CHD2: variants seen among roughly 807,000 people sequenced by gnomAD.
CHD2 encodes the protein ATP-dependent chromatin remodeler CHD2.
In CHD2, 28 loss-of-function variants were observed where a neutral mutation model predicts 243.9. The observed-to-expected ratio is 0.11, with a 90% confidence interval of 0.09 to 0.16. CHD2 has a LOEUF of 0.16. Among genes scored for constraint, CHD2 ranks in the 10% least tolerant of loss-of-function variants. CHD2 has a pLI of 1.00. For synonymous variants in CHD2, 775 were observed against 779.0 expected (o/e 0.99, Z 0.09); for missense variants, 1,386 against 2,209.8 (o/e 0.63, Z 7.47).
intron 27 of CHD2, among the ~76,000 whole-genome samples, chr15:92,992,221 T>C (rs878998099): frequency 6.6e-6 from 1 of 152,196 alleles, no homozygotes; most frequent in Non-Finnish European, 1.5e-5. Flanking sequence ...GAGGTAGTGA[T>C]GTGTAGCATT....
intron 16 of CHD2, among the ~76,000 whole-genome samples, chr15:92,958,856 A>G (rs2053648859): frequency 6.6e-6 from 1 of 152,222 alleles, no homozygotes; most frequent in African/African-American, 2.4e-5. Context: ...CAATATCCTC[A>G]TGATAAGCGT....
chr15:92,902,005 C>T, intron 2 of CHD2: 1 of 387,972 alleles, frequency 2.6e-6, no homozygotes, highest in Non-Finnish European at 4.5e-6. Context: ...ATATATACTT[C>T]TATTTTGTGT....
At chr15:92,960,928 G>C (rs1303708615) in intron 16 of CHD2, among the ~76,000 whole-genome samples, 1 of 151,888 alleles carries the variant, frequency 6.6e-6, no homozygotes, top group African/African-American at 2.4e-5. Context: ...ATGTCAGCCA[G>C]GTTGGTCTCG....
At chr15:92,995,958 G>A (rs972756652) in intron 28 of CHD2, among the ~76,000 whole-genome samples, 1 of 152,090 alleles carries the variant, frequency 6.6e-6, no homozygotes, top group Non-Finnish European at 1.5e-5. Context: ...TTCTTTTAAC[G>A]AACAAGGTTG....
intron 33 of CHD2, among the ~76,000 whole-genome samples, chr15:93,002,709 A>T (rs1156512568): frequency 1.3e-5 from 2 of 152,222 alleles, no homozygotes; most frequent in East Asian, 3.8e-4. Flanking sequence ...AAATATTAGC[A>T]AGAGTTATTG....
intron 16 of CHD2, among the ~76,000 whole-genome samples, chr15:92,960,451 C>T (rs1388482695): frequency 6.6e-6 from 1 of 151,982 alleles, no homozygotes; most frequent in African/African-American, 2.4e-5. Context: ...GTTTTCTTTT[C>T]TTCCTAGTTT....
At position 92,996,937 on chromosome 15, in the gene CHD2, GT is replaced by G; in HGVS notation, c.3596-19del. On this transcript the variant is annotated intron_variant, in intron 28 of 38. Coordinates refer to ENST00000394196, the MANE Select transcript of CHD2 (RefSeq NM_001271.4). The stretch of plus-strand genomic sequence containing the variant: ...TTCTGCAGATTTTCATTTAACTAAT[GT>G]GAAACTGGTATTTTTCAGGAAAAGG... 1.3e-6 allele frequency: 2 copies of G among 1,594,584 alleles called. No individual in the cohort carries two copies. The highest frequency in any genetic ancestry group is 2.3e-5 in the South Asian group (2 of 87,096).
At position 93,009,326 on chromosome 15, in the gene CHD2, A is replaced by G. The variant is rs775945173; in HGVS notation, c.4592+3A>G. The stretch of plus-strand genomic sequence containing the variant: ...GAGCACATCAAACTCTGGAGGAGGT[A>G]ACCACTTTGGCCTCGTCTGCCCAGT... On this transcript the variant is annotated splice_donor_region_variant and intron_variant, in intron 35 of 38. Coordinates refer to ENST00000394196, the MANE Select transcript of CHD2 (RefSeq NM_001271.4). 2 of 1,613,328 alleles carry G rather than the reference A, an allele frequency of 1.2e-6. No individual in the cohort carries two copies.
intron 35 of CHD2, among the ~76,000 whole-genome samples, chr15:93,009,727 G>A (rs2054366895): frequency 6.6e-6 from 1 of 152,166 alleles, no homozygotes; most frequent in African/African-American, 2.4e-5. Flanking sequence ...ACCAACACAT[G>A]GTGACACAAA....
chr15:92,978,438 G>A, intron 21 of CHD2, 55 bp downstream of exon 21: 1 of 1,553,342 alleles, frequency 6.4e-7, no homozygotes, highest in Non-Finnish European at 8.8e-7. Flanking sequence ...CAGGGGGCTT[G>A]TTCAGCCCTT....
At chr15:92,988,119 C>G (rs1375521555) in intron 26 of CHD2, among the ~76,000 whole-genome samples, 1 of 150,490 alleles carries the variant, frequency 6.6e-6, no homozygotes. Flanking sequence ...TTTTGCTCTT[C>G]TCACCAAGGC....
In CHD2 at chr15:92,997,585, AAGACAGT is replaced by A. The variant is rs2054203291; in HGVS notation, c.3885+185_3885+191del. Reference sequence around the variant, plus strand: ...GTTTCACGGATGAAGATAAAGGGAAAAGACAGTAGCCAGGTGAAATTTTGGGGAAACT... The same window carrying A: ...GTTTCACGGATGAAGATAAAGGGAAAAGCCAGGTGAAATTTTGGGGAAACT... On this transcript the variant is annotated intron_variant, in intron 30 of 38. Coordinates refer to ENST00000394196, the MANE Select transcript of CHD2 (RefSeq NM_001271.4). This position sits in a 1 kb window ranked among gnomAD's most constrained non-coding sequence, Gnocchi z 4.1. 2.0e-6 allele frequency: 1 copy of A among 504,152 alleles called. No individual in the cohort carries two copies. The highest frequency in any genetic ancestry group is 3.7e-5 in the East Asian group (1 of 27,086). 31.2% of individuals were successfully genotyped at this position (504,152 alleles called of 1,614,324 possible).
chr15:92,965,102 C>A (rs1054356618), intron 16 of CHD2: 1 of 152,122 alleles, frequency 6.6e-6, no homozygotes, highest in African/African-American at 2.4e-5. Context: ...CTGTGAGAGA[C>A]AAATATTAAA....
intron 13 of CHD2, chr15:92,949,367 T>C (rs371429035): frequency 1.7e-5 from 8 of 463,628 alleles, no homozygotes; most frequent in African/African-American, 6.2e-5. Context: ...TGAGTGTATA[T>C]AGCAAGTTAA....
At chr15:92,932,758 A>G (rs1044577173) in intron 5 of CHD2, among the ~76,000 whole-genome samples, 8 of 151,948 alleles carry the variant, frequency 5.3e-5, no homozygotes, top group Non-Finnish European at 8.8e-5. Context: ...CACGATTTGT[A>G]TTAGGTTTTT....
chr15:92,948,927 T>C (rs778954627), intron 12 of CHD2, 25 bp from the exon 13 acceptor site: 3 of 1,602,004 alleles, frequency 1.9e-6, no homozygotes, highest in Non-Finnish European at 2.6e-6. Context: ...GAACATTTTC[T>C]CAGACTTGGG....
At chr15:92,904,063 T>C (rs11633579) in intron 2 of CHD2, among the ~76,000 whole-genome samples, 16,299 of 152,272 alleles carry the variant, frequency 0.11, 935 homozygotes, top group Middle Eastern at 0.26. Flanking sequence ...AAATCTGAAA[T>C]ACCAAAGCCT....
intron 36 of CHD2, among the ~76,000 whole-genome samples, chr15:93,013,706 G>A (rs1185617076): frequency 6.6e-6 from 1 of 152,066 alleles, no homozygotes; most frequent in Admixed American, 6.5e-5. Context: ...AGGCTGAGGC[G>A]GGTGGATCAC....
chr15:92,992,629 ATTTTG>A (rs1379998507), intron 27 of CHD2, among the ~76,000 whole-genome samples: 2 of 152,070 alleles, frequency 1.3e-5, no homozygotes, highest in Non-Finnish European at 2.9e-5. Context: ...TTTTGGAATT[ATTTTG>A]TTTTGTGGAA....
Sources: allele counts gnomAD v4.1 joint callset (sites outside exome capture counted in the v4.1 genomes callset), GRCh38; gene constraint gnomAD v4.1.1; non-coding constraint Gnocchi (gnomAD v3.1); transcripts MANE v1.5; gene names NCBI Gene and HGNC (gene_info 2026-07-23, HGNC 2026-07-21).